TEX9: variants seen among roughly 807,000 people sequenced by gnomAD.
The protein encoded by TEX9 is testis-expressed protein 9.
A neutral mutation model predicts 59.6 loss-of-function variants in TEX9; 74 were observed. That is an observed-to-expected ratio of 1.24 (90% CI 1.03 to 1.51). The LOEUF (loss-of-function observed/expected upper bound fraction) is 1.51. Ranked by LOEUF, TEX9 falls within the 40% of genes most tolerant of loss-of-function variation. TEX9 has a pLI of 0.00. For synonymous variants in TEX9, 186 were observed against 152.2 expected (o/e 1.22, Z -1.64); for missense variants, 522 against 447.8 (o/e 1.17, Z -1.49).
At chr15:56,321,610 A>G (rs571393433) in intron 1 of TEX9, among the ~76,000 whole-genome samples, 1 of 152,318 alleles carries the variant, frequency 6.6e-6, no homozygotes, top group Non-Finnish European at 1.5e-5. Flanking sequence ...CTAGGAGAGG[A>G]GGAATCTGAG....
chr15:56,293,994 C>T (rs184156436), intron 1 of TEX9, among the ~76,000 whole-genome samples: 5 of 152,360 alleles, frequency 3.3e-5, no homozygotes, highest in East Asian at 3.9e-4. Context: ...GGAACCCCCA[C>T]ATTTGCAACT....
chr15:56,246,191 A>G (rs1399730882), intron 1 of TEX9, among the ~76,000 whole-genome samples: 3 of 152,218 alleles, frequency 2.0e-5, no homozygotes, highest in Admixed American at 2.0e-4. Flanking sequence ...AGCAGCCACT[A>G]GAGGGCTCAC....
intron 3 of TEX9, among the ~76,000 whole-genome samples, chr15:56,382,152 T>C (rs1240548459): frequency 6.6e-6 from 1 of 152,150 alleles, no homozygotes; most frequent in Non-Finnish European, 1.5e-5. Flanking sequence ...CACCAGTCCA[T>C]AGCAGGGTTC....
In TEX9 at chr15:56,328,546, C is replaced by A. The variant is rs112918839; in HGVS notation, c.-106-44895C>A. ...CAAACTGCTTTGGGCCAGAGGGGAG[C>A]CCACTCACCTGAAGGGCAAGTCCCA... On this transcript the variant is annotated intron_variant, in intron 1 of 5. Transcript: ENST00000560827. Among the ~76,000 whole-genome samples the A allele has an allele frequency of 2.1e-3, 325 of 152,260 alleles. 1 individual carries two copies. Among genetic ancestry groups the A allele is most frequent in the African/African-American group, 7.3e-3 (304 of 41,546 alleles).
intron 1 of TEX9, among the ~76,000 whole-genome samples, chr15:56,352,040 C>A (rs1174498097): frequency 6.6e-6 from 1 of 152,068 alleles, no homozygotes; most frequent in African/African-American, 2.4e-5. Flanking sequence ...CATAAGAAAC[C>A]TTTTGGTCTA....
chr15:56,274,354 CT>C (rs1237642555), intron 1 of TEX9, among the ~76,000 whole-genome samples: 12 of 152,012 alleles, frequency 7.9e-5, no homozygotes, highest in African/African-American at 2.7e-4. Context: ...GAAATGCTGT[CT>C]TTTTGTGCAT....
intron 1 of TEX9, among the ~76,000 whole-genome samples, chr15:56,298,758 C>T (rs1260387382): frequency 6.6e-6 from 1 of 152,110 alleles, no homozygotes; most frequent in South Asian, 2.1e-4. Context: ...CATTGTTGTC[C>T]AATCATAAGA....
At chr15:56,378,448 G>C (rs1413890122) in intron 3 of TEX9, among the ~76,000 whole-genome samples, 3 of 151,654 alleles carry the variant, frequency 2.0e-5, no homozygotes, top group African/African-American at 7.3e-5. Context: ...AATCTTGGTG[G>C]GTTGTATGTA....
chr15:56,256,489 A>G (rs1461875480), intron 1 of TEX9, among the ~76,000 whole-genome samples: 1 of 152,130 alleles, frequency 6.6e-6, no homozygotes, highest in Non-Finnish European at 1.5e-5. Context: ...AAGCTTAAAA[A>G]GCTAGTGAAA....
In TEX9 at chr15:56,414,816, G is replaced by A. The variant is rs145159409; in HGVS notation, c.963+2380G>A. On this transcript the variant is annotated intron_variant, in intron 10 of 12. Coordinates refer to ENST00000352903, the Ensembl canonical transcript of TEX9. ...GCTTTTACCTCTTTGAGGAGTCACC[G>A]TACTGCTTTGCACAATGGTTGAACT... 7.9e-4 allele frequency among the ~76,000 whole-genome samples: 120 copies of A among 151,770 alleles called. 2 individuals carry two copies. In the East Asian group the frequency reaches 0.012, roughly 15 times the overall value.
intron 3 of TEX9, among the ~76,000 whole-genome samples, chr15:56,381,593 TA>T (rs1258388436): frequency 6.6e-6 from 1 of 152,204 alleles, no homozygotes; most frequent in Non-Finnish European, 1.5e-5. Flanking sequence ...CCAATATCAC[TA>T]GGGTTTTTGC....
chr15:56,438,797 A>G (rs2050771545), intron 12 of TEX9, among the ~76,000 whole-genome samples: 1 of 152,172 alleles, frequency 6.6e-6, no homozygotes. Flanking sequence ...TTTACAAGAA[A>G]AAATCAAACA....
chr15:56,417,247 G>A (rs1455807720), intron 10 of TEX9, among the ~76,000 whole-genome samples: 1 of 151,674 alleles, frequency 6.6e-6, no homozygotes, highest in African/African-American at 2.4e-5. Context: ...TAGCTTTGGG[G>A]TTGATTTCTT....
chr15:56,446,260 A>G (rs2050901878), downstream of TEX9, among the ~76,000 whole-genome samples: 1 of 151,926 alleles, frequency 6.6e-6, no homozygotes. Context: ...GATGATGTGC[A>G]CCCTTTTAAT....
At chr15:56,373,461 A>G (rs762116372) in exon 3 of TEX9, 3 of 1,588,666 alleles carry the variant, frequency 1.9e-6, no homozygotes, top group Non-Finnish European at 2.6e-6. Flanking sequence ...GCAGAATTGC[A>G]GGCAAAAACA....
chr15:56,305,270 A>T (rs1238650538), intron 1 of TEX9, among the ~76,000 whole-genome samples: 1 of 152,214 alleles, frequency 6.6e-6, no homozygotes, highest in African/African-American at 2.4e-5. Context: ...CATAAATAAA[A>T]AAAAAATCCT....
At chr15:56,357,981 G>T (rs933841) in intron 1 of TEX9, among the ~76,000 whole-genome samples, 152,158 of 152,294 alleles carry the variant, frequency 1, 76,011 homozygotes, top group Non-Finnish European at 1. Context: ...AACTCACATT[G>T]TCTTAATCTT....
At chr15:56,308,799 G>A (rs1023811046) in intron 1 of TEX9, among the ~76,000 whole-genome samples, 1 of 152,150 alleles carries the variant, frequency 6.6e-6, no homozygotes, top group Admixed American at 6.5e-5. Flanking sequence ...ACGATTCATT[G>A]AAATGATTAC....
At chr15:56,273,106 A>G (rs1279798480) in intron 1 of TEX9, among the ~76,000 whole-genome samples, 1 of 151,922 alleles carries the variant, frequency 6.6e-6, no homozygotes. Flanking sequence ...GGCATGTGCC[A>G]CCACACCCGG....
Sources: gnomAD v4.1 joint callset for allele counts (sites outside exome capture counted in the v4.1 genomes callset) on GRCh38, gnomAD v4.1.1 for gene constraint, MANE v1.5 for transcripts, NCBI Gene and HGNC (gene_info 2026-07-23, HGNC 2026-07-21) for gene names.